RNF121: variants seen among roughly 807,000 people sequenced by gnomAD.
The protein encoded by RNF121 is ring finger protein 121, also known as E3 ubiquitin ligase RNF121.
Under a neutral mutation model 46.5 loss-of-function variants are expected in RNF121, and 21 were observed. The ratio of observed to expected loss-of-function variants is 0.45; its 90% CI spans 0.32 to 0.65. The LOEUF is 0.65. Among genes scored for constraint, RNF121 ranks in the 30% least tolerant of loss-of-function variants. The pLI is 0.04. For missense variants in RNF121, 346 were observed against 416.0 expected (o/e 0.83, Z 1.46); for synonymous variants, 139 against 144.7 (o/e 0.96, Z 0.28).
At chr11:71,953,783 T>G (rs1277353015) in intron 1 of RNF121, among the ~76,000 whole-genome samples, 1 of 152,186 alleles carries the variant, frequency 6.6e-6, no homozygotes, top group Non-Finnish European at 1.5e-5. Context: ...TGCCTACAGA[T>G]GCAGAGATCA....
At chr11:71,930,101 G>C (rs559315876) in intron 1 of RNF121, among the ~76,000 whole-genome samples, 1 of 152,214 alleles carries the variant, frequency 6.6e-6, no homozygotes, top group African/African-American at 2.4e-5. Flanking sequence ...GAGTGTGAAA[G>C]GAATGAAGGG....
At chr11:71,972,656 A>G (rs572558873) in intron 3 of RNF121, among the ~76,000 whole-genome samples, 113 of 152,044 alleles carry the variant, frequency 7.4e-4, no homozygotes, top group Non-Finnish European at 1.2e-3. Flanking sequence ...TCTGTCCACT[A>G]GATGATACTG....
Position 71,990,637 on chromosome 11 carries a change from C to T in RNF121, c.547C>T (p.Leu183Phe), listed in dbSNP as rs748992309. 3 of 1,614,072 alleles carry T rather than the reference C, an allele frequency of 1.9e-6. No individual in the cohort carries two copies. Among genetic ancestry groups the T allele is most frequent in the Non-Finnish European group, 1.7e-6 (2 of 1,180,028 alleles). The part of the protein sequence containing the change: ...EDAMDFGISL[L>F]FYGLYYGVLE... Reference sequence around the variant, plus strand: ...TGCCATGGACTTTGGCATCTCCCTTCTCTTCTATGGCCTCTACTATGGAGT... The same window carrying T: ...TGCCATGGACTTTGGCATCTCCCTTTTCTTCTATGGCCTCTACTATGGAGT... The change falls in exon 6 of 9, where the codon CTC becomes TTC. Residue 183 changes from leucine to phenylalanine, a missense_variant. Transcript: ENST00000361756.
At position 71,929,115 on chromosome 11, in the gene RNF121, G is replaced by A; in HGVS notation, c.54G>A (p.Glu18=). 6.4e-7 allele frequency: 1 copy of A among 1,551,724 alleles called. No individual in the cohort carries two copies. The highest frequency in any genetic ancestry group is 2.4e-5 in the East Asian group (1 of 40,954). ...GAGGTGGTGCTGCTGGGGAACGGGA[G>A]CTGGATGAGGTAAGCGGAGTTGAGA... ...EVGGGAAGER[E]LDEVDMSDLS... is the part of the protein sequence containing the mutation. The change falls in exon 1 of 9, where the codon GAG becomes GAA. Residue 18 remains glutamate, a synonymous_variant. Transcript: ENST00000361756.
chr11:71,981,010 G>A (rs942010286), intron 3 of RNF121, among the ~76,000 whole-genome samples: 6 of 151,374 alleles, frequency 4.0e-5, no homozygotes, highest in African/African-American at 9.7e-5. Context: ...ATGATATTTC[G>A]TTTGGATAGC....
chr11:71,968,947 G>A (rs906618817), intron 3 of RNF121, among the ~76,000 whole-genome samples: 8 of 148,732 alleles, frequency 5.4e-5, no homozygotes, highest in South Asian at 2.1e-4. Flanking sequence ...ATGCAGTGGC[G>A]CGATCTCGGC....
Position 71,982,747 on chromosome 11 carries a change from T to TGA in RNF121, c.244-13_244-12insAG. ...GAGCTGGCCAGAGCTGAAGTGCTTG[T>TGA]GTTTGTGTTTCAGATGGTGACCCTC... On this transcript the variant is annotated splice_polypyrimidine_tract_variant and intron_variant, in intron 3 of 8. Transcript: ENST00000361756. The TGA allele has an allele frequency of 6.2e-7, 1 of 1,601,920 alleles. No individual in the cohort carries two copies. Among genetic ancestry groups the TGA allele is most frequent in the Non-Finnish European group, 8.5e-7 (1 of 1,174,406 alleles).
intron 1 of RNF121, among the ~76,000 whole-genome samples, chr11:71,951,098 C>A (rs1358355881): frequency 6.6e-6 from 1 of 151,802 alleles, no homozygotes; most frequent in Non-Finnish European, 1.5e-5. Context: ...GTGGTGCATG[C>A]CTGTAATCTC....
chr11:71,956,419 A>G (rs1016942308), intron 1 of RNF121, among the ~76,000 whole-genome samples: 4 of 152,198 alleles, frequency 2.6e-5, no homozygotes, highest in Middle Eastern at 3.2e-3. Flanking sequence ...GGGGGACGCT[A>G]TGGCAATATA....
intron 3 of RNF121, among the ~76,000 whole-genome samples, chr11:71,961,700 A>ATTAG (rs1436711548): frequency 6.6e-6 from 1 of 152,246 alleles, no homozygotes; most frequent in Non-Finnish European, 1.5e-5. Context: ...AAATTCTTCC[A>ATTAG]TTAGAAGACA....
At position 71,933,412 on chromosome 11, in the gene RNF121, A is replaced by G. The variant is rs1394291507; in HGVS notation, c.63+4288A>G. ...GTATTAATATTATTGCCTCAAGTGA[A>G]TAATTTACCTCTCTTTGGCCCTGTT... On this transcript the variant is annotated intron_variant, in intron 1 of 8. Transcript: ENST00000361756. Among the ~76,000 whole-genome samples, 3 of 152,198 alleles carry G rather than the reference A, an allele frequency of 2.0e-5. No homozygotes were observed. The South Asian group carries it at 6.2e-4, about 32-fold the overall frequency.
intron 1 of RNF121, among the ~76,000 whole-genome samples, 198 bp from the exon 2 acceptor site, chr11:71,957,029 C>CATT (rs1409527396): frequency 6.6e-6 from 1 of 152,204 alleles, no homozygotes; most frequent in Non-Finnish European, 1.5e-5. Context: ...CACATTCAGT[C>CATT]ATAGACATGA....
intron 1 of RNF121, among the ~76,000 whole-genome samples, chr11:71,936,908 A>G (rs984198821): frequency 6.6e-6 from 1 of 152,180 alleles, no homozygotes; most frequent in East Asian, 1.9e-4. Context: ...CCATATCCAT[A>G]TATTTATTGA....
At chr11:71,964,950 G>C (rs1283034863) in intron 3 of RNF121, among the ~76,000 whole-genome samples, 1 of 152,212 alleles carries the variant, frequency 6.6e-6, no homozygotes, top group Non-Finnish European at 1.5e-5. Context: ...CTTGTTCTTA[G>C]AGGATGAAGC....
At position 71,960,890 on chromosome 11, in the gene RNF121, A is replaced by G. The variant is rs779973203; in HGVS notation, c.242A>G (p.Asn81Ser). 3.4e-5 allele frequency: 55 copies of G among 1,613,440 alleles called. No individual in the cohort carries two copies. The highest frequency in any genetic ancestry group is 8.9e-5 in the East Asian group (4 of 44,882). The change falls in exon 3 of 9, where the codon AAT becomes AGT. Residue 81 changes from asparagine to serine, a missense_variant and splice_region_variant. Asn to Ser is a conservative substitution (Grantham distance 46). Coordinates refer to ENST00000361756, the MANE Select transcript of RNF121 (RefSeq NM_018320.5). ...AAGCAGAGGCACCCACGCTCCTACA[A>G]TGTAAGCCACTTTGCCTCTTACTTC... ...QWKQRHPRSY[N>S]MVTLFQMWVV... is the part of the protein sequence containing the mutation.
At chr11:71,944,591 G>C (rs1953669567) in intron 1 of RNF121, among the ~76,000 whole-genome samples, 1 of 152,214 alleles carries the variant, frequency 6.6e-6, no homozygotes, top group South Asian at 2.1e-4. Flanking sequence ...CTAGGGGTCA[G>C]GTCATGGCCT....
intron 6 of RNF121, among the ~76,000 whole-genome samples, chr11:71,994,218 C>G (rs1457496325): frequency 6.6e-6 from 1 of 152,152 alleles, no homozygotes; most frequent in Non-Finnish European, 1.5e-5. Flanking sequence ...ATGCTAAATC[C>G]TATCTGAAAG....
intron 1 of RNF121, among the ~76,000 whole-genome samples, chr11:71,932,837 G>C (rs1953305855): frequency 6.6e-6 from 1 of 152,212 alleles, no homozygotes; most frequent in African/African-American, 2.4e-5. Context: ...TTAACCAAAA[G>C]AATATTGGTT....
chr11:71,982,294 C>A (rs1954677234), intron 3 of RNF121, among the ~76,000 whole-genome samples: 1 of 125,210 alleles, frequency 8.0e-6, no homozygotes, highest in Non-Finnish European at 1.6e-5. Context: ...CAGGATCACA[C>A]CGTTACACTC....
Sources: allele counts gnomAD v4.1 joint callset (sites outside exome capture counted in the v4.1 genomes callset), GRCh38; gene constraint gnomAD v4.1.1; transcripts MANE v1.5; gene names NCBI Gene and HGNC (gene_info 2026-07-23, HGNC 2026-07-21).